SLC9A9: variants seen among roughly 807,000 people sequenced by gnomAD.
The protein encoded by SLC9A9 is sodium/hydrogen exchanger 9.
Under a neutral mutation model 77.8 loss-of-function variants are expected in SLC9A9, and 62 were observed. That is an observed-to-expected ratio of 0.80 (90% CI 0.65 to 0.98). SLC9A9 has a LOEUF of 0.98. Ranked by LOEUF, SLC9A9 falls within the 50% of genes least tolerant of loss-of-function variation. SLC9A9 has a pLI of 0.00. For missense variants in SLC9A9, 775 were observed against 774.9 expected (o/e 1.00, Z 0.00); for synonymous variants, 320 against 283.5 (o/e 1.13, Z -1.29).
chr3:143,484,317 G>C (rs951179415), intron 11 of SLC9A9, among the ~76,000 whole-genome samples: 1 of 152,190 alleles, frequency 6.6e-6, no homozygotes, highest in Non-Finnish European at 1.5e-5. Context: ...ACAGTGTGTT[G>C]TTTGATCTAT....
chr3:143,729,120 A>G (rs1934738646), intron 4 of SLC9A9, among the ~76,000 whole-genome samples: 1 of 152,086 alleles, frequency 6.6e-6, no homozygotes, highest in African/African-American at 2.4e-5. Context: ...CCCATTCTTC[A>G]TCACCTGGCC....
chr3:143,835,143 G>A (rs2009536854), intron 1 of SLC9A9, among the ~76,000 whole-genome samples: 1 of 152,096 alleles, frequency 6.6e-6, no homozygotes, highest in Non-Finnish European at 1.5e-5. Context: ...CTCTTCACAG[G>A]ATCAGGCCTG....
chr3:143,396,099 G>A (rs1250527320), intron 12 of SLC9A9, among the ~76,000 whole-genome samples: 1 of 152,136 alleles, frequency 6.6e-6, no homozygotes, highest in Non-Finnish European at 1.5e-5. Context: ...CCATTACTGG[G>A]TATATACCCA....
chr3:143,578,725 T>G lies in SLC9A9; in HGVS notation c.756-2A>C. On this transcript the variant is annotated splice_acceptor_variant, in intron 6 of 15. Coordinates refer to ENST00000316549, the MANE Select transcript of SLC9A9 (RefSeq NM_173653.4). LOFTEE classifies it high-confidence loss of function. Reference sequence around the variant, plus strand: ...TTGGGACTGTAAATGGATATAGAACTGAAAAGAGAAGAGGGTGGAGGTTAG... The same window carrying G: ...TTGGGACTGTAAATGGATATAGAACGGAAAAGAGAAGAGGGTGGAGGTTAG... The G allele has an allele frequency of 1.2e-6, 2 of 1,613,926 alleles. No individual in the cohort carries two copies. The highest frequency in any genetic ancestry group is 8.5e-7 in the Non-Finnish European group (1 of 1,179,856).
chr3:143,400,875 C>T (rs965119940), intron 12 of SLC9A9, among the ~76,000 whole-genome samples: 1 of 152,022 alleles, frequency 6.6e-6, no homozygotes, highest in African/African-American at 2.4e-5. Flanking sequence ...TGTATGAGCC[C>T]GAGAGTGAGT....
At chr3:143,702,709 C>G (rs1933838628) in intron 4 of SLC9A9, among the ~76,000 whole-genome samples, 1 of 151,808 alleles carries the variant, frequency 6.6e-6, no homozygotes, top group African/African-American at 2.4e-5. Context: ...GAAGTCCCTA[C>G]TTATCAAGAA....
intron 12 of SLC9A9, among the ~76,000 whole-genome samples, chr3:143,458,540 G>T (rs1025024632): frequency 5.0e-4 from 76 of 151,850 alleles, no homozygotes; most frequent in African/African-American, 1.8e-3. Flanking sequence ...TATTTGAATT[G>T]ATTTGTTTTC....
At chr3:143,692,720 G>A (rs1041047373) in intron 5 of SLC9A9, among the ~76,000 whole-genome samples, 1 of 152,076 alleles carries the variant, frequency 6.6e-6, no homozygotes, top group Non-Finnish European at 1.5e-5. Flanking sequence ...CTAGAGCAGG[G>A]GTGTCCAATC....
intron 5 of SLC9A9, among the ~76,000 whole-genome samples, chr3:143,689,235 C>G (rs1458392191): frequency 2.0e-5 from 3 of 152,102 alleles, no homozygotes; most frequent in Non-Finnish European, 4.4e-5. Context: ...ACCATTATCT[C>G]TTTCCAGAAA....
At chr3:143,275,991 T>G (rs987984139) in intron 14 of SLC9A9, among the ~76,000 whole-genome samples, 1 of 152,224 alleles carries the variant, frequency 6.6e-6, no homozygotes, top group Non-Finnish European at 1.5e-5. Flanking sequence ...GTTTGCATGA[T>G]GAGCTTTCCT....
chr3:143,677,570 G>A (rs1284799827), intron 5 of SLC9A9, among the ~76,000 whole-genome samples: 1 of 152,152 alleles, frequency 6.6e-6, no homozygotes, highest in African/African-American at 2.4e-5. Context: ...AGGTATAATA[G>A]CTTTGCCAAA....
intron 9 of SLC9A9, among the ~76,000 whole-genome samples, chr3:143,539,809 A>C (rs2036654906): frequency 6.6e-6 from 1 of 152,178 alleles, no homozygotes; most frequent in Non-Finnish European, 1.5e-5. Flanking sequence ...ATAGAAGGAC[A>C]TGAAATTTAT....
intron 6 of SLC9A9, among the ~76,000 whole-genome samples, chr3:143,585,962 T>C (rs2108673149): frequency 6.6e-6 from 1 of 152,384 alleles, no homozygotes; most frequent in East Asian, 1.9e-4. Flanking sequence ...GCAGCCTCTG[T>C]CCTTGCAGGT....
At chr3:143,311,663 C>A (rs2031023351) in intron 14 of SLC9A9, among the ~76,000 whole-genome samples, 1 of 152,150 alleles carries the variant, frequency 6.6e-6, no homozygotes, top group Non-Finnish European at 1.5e-5. Flanking sequence ...CATAAAATAA[C>A]AATATTGTGA....
chr3:143,515,715 A>G (rs1205021025), intron 9 of SLC9A9, among the ~76,000 whole-genome samples: 1 of 152,188 alleles, frequency 6.6e-6, no homozygotes, highest in African/African-American at 2.4e-5. Flanking sequence ...TTCTAATATT[A>G]TTCTTATATT....
At chr3:143,274,038 A>G (rs976439910) in intron 14 of SLC9A9, among the ~76,000 whole-genome samples, 4 of 152,180 alleles carry the variant, frequency 2.6e-5, no homozygotes, top group Admixed American at 6.5e-5. Context: ...CATCTTGTCT[A>G]AGGGCTGGGA....
intron 14 of SLC9A9, among the ~76,000 whole-genome samples, chr3:143,272,429 A>G (rs958691773): frequency 2.0e-5 from 3 of 152,226 alleles, no homozygotes; most frequent in Non-Finnish European, 4.4e-5. Context: ...CAGAGAAGGT[A>G]AATAAATTGC....
chr3:143,455,710 A>G (rs923395172), intron 12 of SLC9A9, among the ~76,000 whole-genome samples: 4 of 151,640 alleles, frequency 2.6e-5, no homozygotes, highest in South Asian at 2.1e-4. Context: ...TCTGTTTCCA[A>G]TTGCTCATTT....
intron 12 of SLC9A9, among the ~76,000 whole-genome samples, chr3:143,448,963 TATAAATATAATTATATAAAAATAATTATA>T (rs1371500556): frequency 3.2e-4 from 6 of 18,602 alleles, no homozygotes; most frequent in African/African-American, 1.4e-3. Flanking sequence ...AATATAATTA[TATAAATATAATTATATAAAAATAATTATA>T]ATTATATAAT....
Sources: allele counts gnomAD v4.1 joint callset (sites outside exome capture counted in the v4.1 genomes callset), GRCh38; gene constraint gnomAD v4.1.1; transcripts MANE v1.5; gene names NCBI Gene and HGNC (gene_info 2026-07-23, HGNC 2026-07-21).